Variants in CADM2 observed in about 807,000 individuals in gnomAD.
The protein encoded by CADM2 is cell adhesion molecule 2.
A neutral mutation model predicts 49.8 loss-of-function variants in CADM2; 12 were observed. The ratio of observed to expected loss-of-function variants is 0.24; its 90% CI spans 0.15 to 0.39. The LOEUF (loss-of-function observed/expected upper bound fraction) is 0.39, where lower values mean the gene tolerates loss of function less well. Among genes scored for constraint, CADM2 ranks in the 10% least tolerant of loss-of-function variants. The pLI is 1.00. For missense variants in CADM2, 378 were observed against 492.3 expected (o/e 0.77, Z 2.20); for synonymous variants, 214 against 175.4 (o/e 1.22, Z -1.74).
In CADM2 at chr3:85,041,165, T is replaced by C. The variant is rs185036098; in HGVS notation, c.61+81497T>C. ...AACTGGTTTTGTTTCTTTAAACTTA[T>C]TGTGTAGTCTTGCCAAAGCAAATTG... is the stretch of plus-strand genomic sequence containing the variant. On this transcript the variant is annotated intron_variant, in intron 1 of 9. Coordinates refer to ENST00000383699, the MANE Select transcript of CADM2 (RefSeq NM_001167675.2). Among the ~76,000 whole-genome samples, 292 of 152,330 alleles carry C rather than the reference T, an allele frequency of 1.9e-3. 2 individuals are homozygous for C. Among genetic ancestry groups the C allele is most frequent in the Non-Finnish European group, 3.6e-3 (245 of 68,032 alleles).
At chr3:85,550,290 G>A (rs773259026) in intron 1 of CADM2, among the ~76,000 whole-genome samples, 1 of 152,216 alleles carries the variant, frequency 6.6e-6, no homozygotes, top group Non-Finnish European at 1.5e-5. Context: ...TATTGGTTCT[G>A]ATGTAGTTCA....
At chr3:84,989,712 T>G (rs1200150547) in intron 1 of CADM2, among the ~76,000 whole-genome samples, 1 of 152,076 alleles carries the variant, frequency 6.6e-6, no homozygotes, top group Non-Finnish European at 1.5e-5. Flanking sequence ...CTTAAGTTCT[T>G]CAATTGTAAA....
intron 1 of CADM2, among the ~76,000 whole-genome samples, chr3:85,041,774 T>A (rs988188348): frequency 2.6e-4 from 39 of 152,144 alleles, no homozygotes; most frequent in Non-Finnish European, 5.6e-4. Context: ...AGGAAGAAAA[T>A]GGTGTTACTG....
chr3:85,421,151 T>G (rs2036149848), intron 1 of CADM2, among the ~76,000 whole-genome samples: 1 of 152,104 alleles, frequency 6.6e-6, no homozygotes, highest in Non-Finnish European at 1.5e-5. Context: ...ATTGAAGAAT[T>G]TTAGGCTGCA....
At chr3:85,713,150 T>C (rs1019963488) in intron 1 of CADM2, among the ~76,000 whole-genome samples, 16 of 152,100 alleles carry the variant, frequency 1.1e-4, no homozygotes, top group Admixed American at 2.6e-4. Flanking sequence ...CAGGCTGGAG[T>C]GAAGTGGCGC....
In CADM2 at chr3:85,335,505, T is replaced by C. The variant is rs776067747; in HGVS notation, c.61+375837T>C. Among the ~76,000 whole-genome samples, 78 of 151,650 alleles carry C rather than the reference T, an allele frequency of 5.1e-4. 1 individual carries two copies. The Middle Eastern group carries it at 0.024, about 46-fold the overall frequency. On this transcript the variant is annotated intron_variant, in intron 1 of 9. Transcript: ENST00000383699. ...TGTGTCAATACACATGTACAATGTG[T>C]AATGAACAAATTGGAATTATTAGCA...
chr3:85,841,715 C>T (rs1042818083), intron 3 of CADM2, among the ~76,000 whole-genome samples: 3 of 151,982 alleles, frequency 2.0e-5, no homozygotes, highest in African/African-American at 7.2e-5. Context: ...GATTAACAGA[C>T]TTTATTCATA....
chr3:85,328,481 G>T (rs2107138725), intron 1 of CADM2, among the ~76,000 whole-genome samples: 1 of 152,290 alleles, frequency 6.6e-6, no homozygotes, highest in South Asian at 2.1e-4. Flanking sequence ...ATGCTCTGAA[G>T]CCCACAGGAC....
At chr3:85,148,608 T>C (rs186690492) in intron 1 of CADM2, among the ~76,000 whole-genome samples, 1 of 152,228 alleles carries the variant, frequency 6.6e-6, no homozygotes, top group Admixed American at 6.5e-5. Context: ...AATGCACCAT[T>C]CTCCCAAGCT....
chr3:85,137,846 C>G (rs751482185), intron 1 of CADM2, among the ~76,000 whole-genome samples: 1 of 151,836 alleles, frequency 6.6e-6, no homozygotes, highest in Non-Finnish European at 1.5e-5. Context: ...GACAAAATAA[C>G]GTTTCTGAAT....
intron 1 of CADM2, among the ~76,000 whole-genome samples, chr3:85,170,987 C>T (rs1576034717): frequency 6.6e-6 from 1 of 152,072 alleles, no homozygotes. Flanking sequence ...TAGGTTGTCA[C>T]AATTCTACAA....
intron 1 of CADM2, among the ~76,000 whole-genome samples, chr3:85,652,772 C>CTTTTTTTTTTTTCTTTTTT (rs2065084939): frequency 2.0e-5 from 1 of 50,782 alleles, no homozygotes; most frequent in Non-Finnish European, 3.5e-5. Context: ...TTTTTCTTTT[C>CTTTTTTTTTTTTCTTTTTT]TTTTTTTTTT....
chr3:85,158,608 G>A (rs1403478312), intron 1 of CADM2, among the ~76,000 whole-genome samples: 1 of 152,036 alleles, frequency 6.6e-6, no homozygotes, highest in African/African-American at 2.4e-5. Flanking sequence ...AACAAACACT[G>A]CATATTCTGA....
intron 1 of CADM2, among the ~76,000 whole-genome samples, chr3:84,992,983 A>G (rs1282450790): frequency 6.6e-6 from 1 of 152,152 alleles, no homozygotes; most frequent in African/African-American, 2.4e-5. Flanking sequence ...TTGTCAACCC[A>G]GGATGTATGG....
intron 8 of CADM2, among the ~76,000 whole-genome samples, chr3:85,971,164 G>A (rs1407558883): frequency 6.6e-6 from 1 of 151,506 alleles, no homozygotes; most frequent in Non-Finnish European, 1.5e-5. Flanking sequence ...TTAGAGAATA[G>A]GAGGCAACAA....
chr3:85,761,218 C>T (rs2069355415), intron 2 of CADM2, among the ~76,000 whole-genome samples: 1 of 151,956 alleles, frequency 6.6e-6, no homozygotes. Flanking sequence ...GGATGGAAAC[C>T]CGTTTTCTAG....
At chr3:85,398,044 T>C (rs1559819300) in intron 1 of CADM2, among the ~76,000 whole-genome samples, 1 of 152,124 alleles carries the variant, frequency 6.6e-6, no homozygotes, top group East Asian at 1.9e-4. Context: ...CTAGGTTACA[T>C]GTGCACAACG....
chr3:85,961,769 C>A, intron 8 of CADM2, 122 bp downstream of exon 8: 1 of 474,134 alleles, frequency 2.1e-6, no homozygotes, highest in Non-Finnish European at 3.5e-6. Flanking sequence ...TTCAGGACAT[C>A]TTATGAGATA....
intron 1 of CADM2, among the ~76,000 whole-genome samples, chr3:84,974,880 A>G (rs1192543575): frequency 6.6e-6 from 1 of 151,790 alleles, no homozygotes; most frequent in Non-Finnish European, 1.5e-5. Context: ...TATTTACCAA[A>G]TCTTTGATTA....
Sources: allele counts gnomAD v4.1 joint callset (sites outside exome capture counted in the v4.1 genomes callset), GRCh38; gene constraint gnomAD v4.1.1; transcripts MANE v1.5; gene names NCBI Gene and HGNC (gene_info 2026-07-23, HGNC 2026-07-21).